The following STK3 variants were observed in gnomAD, a reference collection of about 807,000 sequenced individuals.
The protein encoded by STK3 is serine/threonine kinase 3.
A neutral mutation model predicts 58.0 loss-of-function variants in STK3; 41 were observed. The observed-to-expected ratio is 0.71, with a 90% CI of 0.55 to 0.92. The LOEUF is 0.92. Among genes scored for constraint, STK3 ranks in the 40% least tolerant of loss-of-function variants. STK3 has a pLI of 0.00. For synonymous variants in STK3, 170 were observed against 191.0 expected (o/e 0.89, Z 0.91); for missense variants, 479 against 602.7 (o/e 0.79, Z 2.15).
intron 10 of STK3, among the ~76,000 whole-genome samples, chr8:98,520,230 G>C (rs886881883): frequency 1.2e-4 from 18 of 151,960 alleles, no homozygotes; most frequent in African/African-American, 3.4e-4. Context: ...CTTTTTTCCG[G>C]TAGGGTTAAA....
intron 9 of STK3, among the ~76,000 whole-genome samples, chr8:98,537,779 A>C (rs1473529369): frequency 1.3e-5 from 2 of 152,164 alleles, no homozygotes; most frequent in African/African-American, 2.4e-5. Flanking sequence ...ACCTATTAGC[A>C]ATAAAGAATA....
At chr8:98,582,739 C>T (rs903836318) in intron 7 of STK3, among the ~76,000 whole-genome samples, 7 of 152,036 alleles carry the variant, frequency 4.6e-5, no homozygotes, top group Admixed American at 2.0e-4. Context: ...ACTGGCGTTA[C>T]ATACTTTTCT....
intron 4 of STK3, among the ~76,000 whole-genome samples, chr8:98,727,395 A>G (rs1365312870): frequency 6.6e-6 from 1 of 152,238 alleles, no homozygotes; most frequent in Non-Finnish European, 1.5e-5. Context: ...CCCTGAATCA[A>G]GCCATGCACA....
chr8:98,579,260 T>C (rs1017796756), intron 8 of STK3, among the ~76,000 whole-genome samples: 4 of 152,206 alleles, frequency 2.6e-5, no homozygotes, highest in Non-Finnish European at 5.9e-5. Context: ...TAATAGCTAG[T>C]TTAATATGCT....
At chr8:98,779,440 C>A (rs1831939165) in intron 1 of STK3, among the ~76,000 whole-genome samples, 1 of 152,192 alleles carries the variant, frequency 6.6e-6, no homozygotes, top group Admixed American at 6.5e-5. Context: ...AACAACTCCA[C>A]AGACTGTCCA....
intron 1 of STK3, among the ~76,000 whole-genome samples, chr8:98,915,031 A>G (rs1301519203): frequency 6.6e-6 from 1 of 152,210 alleles, no homozygotes; most frequent in East Asian, 1.9e-4. Context: ...CTAAAAGTGT[A>G]GATTAGACAC....
chr8:98,910,173 C>T (rs1022874085), intron 1 of STK3, among the ~76,000 whole-genome samples: 1 of 152,084 alleles, frequency 6.6e-6, no homozygotes, highest in Non-Finnish European at 1.5e-5. Flanking sequence ...GATCCTTTTC[C>T]CATTTTTAAT....
intron 2 of STK3, among the ~76,000 whole-genome samples, chr8:98,436,138 C>T (rs1225444128): frequency 6.6e-6 from 1 of 152,184 alleles, no homozygotes; most frequent in Non-Finnish European, 1.5e-5. Flanking sequence ...GTCCTGGGAA[C>T]TCCCTCCTTT....
intron 8 of STK3, among the ~76,000 whole-genome samples, chr8:98,575,186 C>T (rs72666655): frequency 0.03 from 4,529 of 152,042 alleles, 99 homozygotes; most frequent in South Asian, 0.061. Flanking sequence ...TGGGATAGTG[C>T]GTGTATTTTG....
Position 98,493,396 on chromosome 8 carries a change from G to A in STK3, c.1317+33346C>T, listed in dbSNP as rs190743481. Among the ~76,000 whole-genome samples the A allele has an allele frequency of 4.6e-4, 70 of 151,992 alleles. 1 individual carries two copies. The East Asian group carries it at 0.013, about 27-fold the overall frequency. ...TTCTTCCCTCCTTGATTCACTTCCC[G>A]CTCTGAAGCAGTCTGGCTTTAGGCG... is the stretch of plus-strand genomic sequence containing the variant. On this transcript the variant is annotated intron_variant, in intron 10 of 10. Coordinates refer to ENST00000419617, the MANE Select transcript of STK3 (RefSeq NM_006281.4).
At chr8:98,734,677 G>A (rs1828442877) in intron 4 of STK3, among the ~76,000 whole-genome samples, 1 of 152,094 alleles carries the variant, frequency 6.6e-6, no homozygotes, top group South Asian at 2.1e-4. Flanking sequence ...TGCAGTATAT[G>A]TTTGAAATGC....
At position 98,794,599 on chromosome 8, in the gene STK3, A is replaced by C. The variant is rs533663830; in HGVS notation, c.27-19780T>G. ...CCGAATTCTATCAGATGTACAAAGAAGGGCTGGTATCAATCCTTCTGAAAC... is the reference window on the plus strand; with the variant it reads ...CCGAATTCTATCAGATGTACAAAGACGGGCTGGTATCAATCCTTCTGAAAC... On this transcript the variant is annotated intron_variant, in intron 1 of 10. Transcript: ENST00000419617. Among the ~76,000 whole-genome samples, 16 of 152,306 alleles carry C rather than the reference A, an allele frequency of 1.1e-4. 1 individual carries two copies. In the South Asian group the frequency reaches 3.3e-3, roughly 32 times the overall value.
intron 1 of STK3, among the ~76,000 whole-genome samples, chr8:98,915,078 C>T (rs956564381): frequency 9.9e-5 from 15 of 152,072 alleles, no homozygotes; most frequent in Non-Finnish European, 2.1e-4. Flanking sequence ...ATGGTTAATA[C>T]TAAGTGTTAA....
chr8:98,740,862 GA>G (rs1487450662), intron 4 of STK3, among the ~76,000 whole-genome samples: 25 of 152,070 alleles, frequency 1.6e-4, no homozygotes, highest in African/African-American at 5.8e-4. Context: ...CTCACAAGCA[GA>G]GACACACAAA....
intron 6 of STK3, among the ~76,000 whole-genome samples, chr8:98,615,442 T>C (rs552214062): frequency 2.0e-5 from 3 of 151,514 alleles, no homozygotes; most frequent in Admixed American, 1.3e-4. Flanking sequence ...TCACCAGCAA[T>C]GGAACAAAGC....
At chr8:98,391,633 T>C (rs569598061), upstream of STK3, 2 of 152,242 alleles carry the variant, frequency 1.3e-5, no homozygotes, top group South Asian at 4.1e-4. Flanking sequence ...ACCAGTTTAA[T>C]GGTACACCAA....
At chr8:98,724,443 A>C (rs1470198237) in intron 4 of STK3, among the ~76,000 whole-genome samples, 1 of 152,226 alleles carries the variant, frequency 6.6e-6, no homozygotes, top group Non-Finnish European at 1.5e-5. Flanking sequence ...GTGCATTACC[A>C]ATGAATAGTT....
At position 98,719,152 on chromosome 8, in the gene STK3, C is replaced by T. The variant is rs575529274; in HGVS notation, c.352-11841G>A. ...GGCCACCATAATGGACCACTACAGA[C>T]GGTGGGCAAGGTGGTGGTGCTGTCA... On this transcript the variant is annotated intron_variant, in intron 4 of 10. Transcript: ENST00000419617. Among the ~76,000 whole-genome samples the T allele has an allele frequency of 6.6e-5, 10 of 152,216 alleles. No homozygotes were observed. In the East Asian group the frequency reaches 1.5e-3, roughly 23 times the overall value.
In STK3 at chr8:98,428,197, G is replaced by T; in HGVS notation, n.483+5930C>A. On this transcript the variant is annotated intron_variant and non_coding_transcript_variant, in intron 3 of 3. Transcript: ENST00000517832. This position sits in a 1 kb window ranked among gnomAD's most constrained non-coding sequence, Gnocchi z 6.7. ...GTCCAGCGGGAGTTCTACTTCGACC[G>T]CAACCCTGAGCTCTTCCCCTACGTG... 1 of 1,614,026 alleles carries T rather than the reference G, an allele frequency of 6.2e-7. No individual in the cohort carries two copies. The highest frequency in any genetic ancestry group is 8.5e-7 in the Non-Finnish European group (1 of 1,180,004).
Sources: gnomAD v4.1 joint callset for allele counts (sites outside exome capture counted in the v4.1 genomes callset) on GRCh38, gnomAD v4.1.1 for gene constraint, Gnocchi (gnomAD v3.1) non-coding constraint, MANE v1.5 for transcripts, NCBI Gene and HGNC (gene_info 2026-07-23, HGNC 2026-07-21) for gene names.